The following PDE11A variants were observed in gnomAD, a reference collection of about 807,000 sequenced individuals.
PDE11A encodes the protein phosphodiesterase 11A.
In PDE11A, 100 loss-of-function variants were observed where a neutral mutation model predicts 100.5. That is an observed-to-expected ratio of 1.00 (90% CI 0.85 to 1.18). The LOEUF (loss-of-function observed/expected upper bound fraction) is 1.18, where lower values mean the gene tolerates loss of function less well. Among genes scored for constraint, PDE11A ranks in the 50% most tolerant of loss-of-function variants. The pLI is 0.00. For missense variants in PDE11A, 1,141 were observed against 1,152.6 expected, an observed-to-expected ratio of 0.99 and a Z score of 0.15; for synonymous variants, 381 against 420.8, an observed-to-expected ratio of 0.91 and a Z score of 1.16.
chr2:177,892,745 A>G (rs2084550721), intron 4 of PDE11A, among the ~76,000 whole-genome samples: 2 of 152,220 alleles, frequency 1.3e-5, no homozygotes, highest in Admixed American at 1.3e-4. Context: ...GGCCCTCAGC[A>G]CAGTCATTCC....
intron 1 of PDE11A, among the ~76,000 whole-genome samples, chr2:178,052,155 C>A (rs1257562888): frequency 6.6e-6 from 1 of 152,156 alleles, no homozygotes; most frequent in Non-Finnish European, 1.5e-5. Flanking sequence ...GAAATTATAA[C>A]AAACTGTCTC....
chr2:177,894,587 G>A (rs951868787), intron 4 of PDE11A, among the ~76,000 whole-genome samples: 1 of 152,036 alleles, frequency 6.6e-6, no homozygotes, highest in African/African-American at 2.4e-5. Context: ...TTCACCCTCC[G>A]TTTTGGAGTT....
At chr2:177,673,621 G>A (rs1213234768) in intron 17 of PDE11A, among the ~76,000 whole-genome samples, 1 of 152,204 alleles carries the variant, frequency 6.6e-6, no homozygotes, top group Non-Finnish European at 1.5e-5. Context: ...AGAGATCCTG[G>A]ACTTAAGAGT....
intron 1 of PDE11A, among the ~76,000 whole-genome samples, chr2:178,050,233 A>G (rs1174068758): frequency 6.6e-6 from 1 of 152,346 alleles, no homozygotes; most frequent in South Asian, 2.1e-4. Flanking sequence ...ATACCCAGGC[A>G]AACAGGGTCT....
At chr2:178,097,569 G>C (rs1212515028) in intron 2 of PDE11A, among the ~76,000 whole-genome samples, 9 of 152,092 alleles carry the variant, frequency 5.9e-5, no homozygotes, top group Non-Finnish European at 1.3e-4. Flanking sequence ...GAGGATTATG[G>C]GGATTATAAT....
At chr2:177,869,562 A>C (rs1224867739) in intron 5 of PDE11A, among the ~76,000 whole-genome samples, 1 of 152,196 alleles carries the variant, frequency 6.6e-6, no homozygotes, top group Non-Finnish European at 1.5e-5. Context: ...ACATGATTAC[A>C]TCAGACTCAC....
intron 19 of PDE11A, among the ~76,000 whole-genome samples, chr2:177,656,130 T>G (rs181682629): frequency 1.3e-5 from 2 of 152,230 alleles, no homozygotes; most frequent in Admixed American, 1.3e-4. Context: ...AATATAACAG[T>G]GCATACTCTG....
At chr2:177,670,474 A>G (rs764868303) in intron 17 of PDE11A, among the ~76,000 whole-genome samples, 14 of 97,122 alleles carry the variant, frequency 1.4e-4, no homozygotes, top group Non-Finnish European at 3.6e-4. Flanking sequence ...GCTATTTTCA[A>G]CGCTACTACA....
chr2:177,952,243 TCCCTTCCTGGAA>T (rs1252036507), intron 2 of PDE11A, among the ~76,000 whole-genome samples: 1 of 152,240 alleles, frequency 6.6e-6, no homozygotes, highest in East Asian at 1.9e-4. Context: ...GGATTAAGTA[TCCCTTCCTGGAA>T]CAGACTTCTG....
chr2:177,987,317 A>G (rs1362567905), intron 2 of PDE11A, among the ~76,000 whole-genome samples: 1 of 152,220 alleles, frequency 6.6e-6, no homozygotes, highest in Non-Finnish European at 1.5e-5. Flanking sequence ...CAAGTTTCCT[A>G]ATCTTCTCTA....
intron 9 of PDE11A, among the ~76,000 whole-genome samples, chr2:177,774,349 C>T (rs1197815998): frequency 1.3e-5 from 2 of 152,198 alleles, no homozygotes; most frequent in African/African-American, 2.4e-5. Flanking sequence ...GTTCTGCCCC[C>T]ACCTCTCCAC....
chr2:178,026,669 A>G (rs995705864), intron 1 of PDE11A, among the ~76,000 whole-genome samples: 1 of 152,042 alleles, frequency 6.6e-6, no homozygotes, highest in Non-Finnish European at 1.5e-5. Context: ...TCAAAAAAAA[A>G]AAAAGAAAAG....
At chr2:177,839,765 T>C (rs2083459863) in intron 6 of PDE11A, among the ~76,000 whole-genome samples, 1 of 152,210 alleles carries the variant, frequency 6.6e-6, no homozygotes, top group Non-Finnish European at 1.5e-5. Flanking sequence ...CATATGTACA[T>C]AGAGACATTA....
chr2:177,945,843 C>T (rs370749064), intron 2 of PDE11A, among the ~76,000 whole-genome samples: 162 of 92,884 alleles, frequency 1.7e-3, no homozygotes, highest in Admixed American at 2.5e-3. Context: ...GTCAGCCCCC[C>T]GCCTGGCCAG....
At chr2:177,663,735 C>T (rs1211977294) in intron 19 of PDE11A, 131 bp downstream of exon 19, 3 of 703,398 alleles carry the variant, frequency 4.3e-6, no homozygotes, top group Middle Eastern at 2.4e-4. Context: ...CCAAGAAAGA[C>T]AAACTGCAGC....
intron 1 of PDE11A, among the ~76,000 whole-genome samples, chr2:178,039,763 A>G (rs997363363): frequency 3.3e-5 from 5 of 152,156 alleles, no homozygotes; most frequent in African/African-American, 1.2e-4. Context: ...ACAAAGGAAC[A>G]TTATACGGCA....
In PDE11A at chr2:177,788,452, A is replaced by G. The variant is rs541694816; in HGVS notation, c.1738-19079T>C. On this transcript the variant is annotated intron_variant, in intron 9 of 19. Coordinates refer to ENST00000286063, the MANE Select transcript of PDE11A (RefSeq NM_016953.4). The stretch of plus-strand genomic sequence containing the variant: ...GAGAAAGGGGGAAAGATCCAAAATT[A>G]ACACCCTAACATCACAATTAAAAGA... Among the ~76,000 whole-genome samples, 8 of 151,706 alleles carry G rather than the reference A, an allele frequency of 5.3e-5. 1 individual carries two copies. The highest frequency in any genetic ancestry group is 1.9e-4 in the East Asian group (1 of 5,170).
intron 3 of PDE11A, among the ~76,000 whole-genome samples, chr2:177,900,451 T>C (rs12474141): frequency 2.0e-5 from 3 of 152,234 alleles, no homozygotes; most frequent in Admixed American, 2.0e-4. Flanking sequence ...TCTGAATCTA[T>C]TCAGGTAAAA....
chr2:177,753,875 G>A (rs1574108186), intron 10 of PDE11A, among the ~76,000 whole-genome samples: 1 of 151,530 alleles, frequency 6.6e-6, no homozygotes, highest in Non-Finnish European at 1.5e-5. Flanking sequence ...GATTTTTATG[G>A]ATGAAAGCAT....
Sources: allele counts gnomAD v4.1 joint callset (sites outside exome capture counted in the v4.1 genomes callset), GRCh38; gene constraint gnomAD v4.1.1; transcripts MANE v1.5; gene names NCBI Gene and HGNC (gene_info 2026-07-23, HGNC 2026-07-21).